The following FAM131B variants were observed in gnomAD, a reference collection of about 807,000 sequenced individuals.
FAM131B encodes protein FAM131B.
A neutral mutation model predicts 42.0 loss-of-function variants in FAM131B; 19 were observed. That is an observed-to-expected ratio of 0.45 (90% CI 0.32 to 0.66). FAM131B has a LOEUF of 0.66. Among genes scored for constraint, FAM131B ranks in the 30% least tolerant of loss-of-function variants. The pLI is 0.05. For missense variants in FAM131B, 370 were observed against 468.4 expected (o/e 0.79, Z 1.94); for synonymous variants, 183 against 177.6 (o/e 1.03, Z -0.24).
the FAM131B span, chr7:143,380,166 A>G: frequency 1.0e-6 from 1 of 985,284 alleles, no homozygotes; most frequent in South Asian, 4.7e-5. This position sits in a 1 kb window ranked among gnomAD's most constrained non-coding sequence, Gnocchi z 5.0. Context: ...TAGCGGGCGA[A>G]AGGCCATGAC....
At chr7:143,382,173 A>T in the FAM131B span, 1 of 1,258,428 alleles carries the variant, frequency 7.9e-7, no homozygotes, top group Non-Finnish European at 1.1e-6. Context: ...GTTAGGGGTT[A>T]GAGCGGTTAA....
chr7:143,381,397 G>A, the FAM131B span: 604 of 1,193,644 alleles, frequency 5.1e-4, no homozygotes, highest in Non-Finnish European at 6.1e-4. Flanking sequence ...CGGCGCGCAC[G>A]CTCCGGCCTG....
Position 143,356,505 on chromosome 7 carries a change from A to G in FAM131B, c.*45T>C. 2.1e-6 allele frequency: 3 copies of G among 1,437,548 alleles called. 1 individual carries two copies. Among genetic ancestry groups the G allele is most frequent in the South Asian group, 1.2e-5 (1 of 83,972 alleles). The allele number at this position is 1,437,548 out of a possible 1,614,324, so 89.0% of individuals were successfully genotyped here. A position where few individuals can be genotyped will look rare whatever the true frequency, so the allele number is the denominator to read the frequency against. On this transcript the variant is annotated 3_prime_UTR_variant, in exon 7 of 7. Transcript: ENST00000443739. The surrounding 1 kb of genome is among the most constrained non-coding windows in gnomAD (Gnocchi z 4.4). The stretch of plus-strand genomic sequence containing the variant: ...GGGAGGGAGGGTATGGGTCACAGCC[A>G]TGGCCCTCAGGTGGGAGTGGAAGGC...
At chr7:143,361,981 G>A in intron 1 of FAM131B, 3 of 912,520 alleles carry the variant, frequency 3.3e-6, no homozygotes, top group Non-Finnish European at 2.6e-6. Context: ...TGGAACCCGG[G>A]CTCATCCCGC....
chr7:143,368,558 C>T, the FAM131B span, among the ~76,000 whole-genome samples: 6 of 152,312 alleles, frequency 3.9e-5, no homozygotes, highest in South Asian at 2.1e-4. Context: ...TGCTGGGACC[C>T]TTTAGCCCTC....
At chr7:143,382,215 C>T in the FAM131B span, 8 of 1,588,092 alleles carry the variant, frequency 5.0e-6, no homozygotes, top group Admixed American at 1.7e-5. Flanking sequence ...GGTAGAGGGA[C>T]CCCGGCCGAC....
chr7:143,356,233 C>G lies in FAM131B; in HGVS notation c.*317G>C. Reference sequence around the variant, plus strand: ...CAGTCTTGAGCACAGCTGCGCTGCCCCCGTCCTCAGGGTGCACACACTGGA... The same window carrying G: ...CAGTCTTGAGCACAGCTGCGCTGCCGCCGTCCTCAGGGTGCACACACTGGA... On this transcript the variant is annotated 3_prime_UTR_variant, in exon 7 of 7. Transcript: ENST00000443739. This position sits in a 1 kb window ranked among gnomAD's most constrained non-coding sequence, Gnocchi z 4.4. 1.1e-5 allele frequency: 4 copies of G among 365,138 alleles called. No homozygotes were observed. The highest frequency in any genetic ancestry group is 2.0e-5 in the Non-Finnish European group (4 of 199,598). The allele number at this position is 365,138 out of a possible 1,614,324, so 22.6% of individuals were successfully genotyped here.
Position 143,360,330 on chromosome 7 carries a change from C to T in FAM131B, c.29-181G>A, listed in dbSNP as rs1586538610. 7 of 1,437,606 alleles carry T rather than the reference C, an allele frequency of 4.9e-6. No homozygotes were observed. In the East Asian group the frequency reaches 1.8e-4, roughly 36 times the overall value. 89.1% of individuals were successfully genotyped at this position (1,437,606 alleles called of 1,614,324 possible). On this transcript the variant is annotated intron_variant, in intron 1 of 6. Coordinates refer to ENST00000443739, the MANE Select transcript of FAM131B (RefSeq NM_001031690.3). ...GCTGAGCCCAAATATTCAGTTTTAG[C>T]TCAACCCAGAATAGTGCACTCAGAA...
At position 143,359,249 on chromosome 7, in the gene FAM131B, G is replaced by A. The variant is rs1803833946; in HGVS notation, c.268+77C>T. 1.3e-5 allele frequency: 16 copies of A among 1,241,746 alleles called. No homozygotes were observed. The highest frequency in any genetic ancestry group is 5.1e-5 in the South Asian group (4 of 78,996). 76.9% of individuals were successfully genotyped at this position (1,241,746 alleles called of 1,614,324 possible). On this transcript the variant is annotated intron_variant, in intron 4 of 6. Coordinates refer to ENST00000443739, the MANE Select transcript of FAM131B (RefSeq NM_001031690.3). The surrounding 1 kb of genome is among the most constrained non-coding windows in gnomAD (Gnocchi z 5.4). ...GGGGATGAGGGTCTTCATCAACCTC[G>A]AAGGAGCAGGGAGACTGAGCCAAGG...
Position 143,353,962 on chromosome 7 carries a change from T to C in FAM131B, c.*2588A>G, listed in dbSNP as rs1334458762. On this transcript the variant is annotated 3_prime_UTR_variant, in exon 7 of 7. Coordinates refer to ENST00000443739, the MANE Select transcript of FAM131B (RefSeq NM_001031690.3). ...GTTCCAGGACTGCTGTAAAACGTGC[T>C]GCACAGCCTTAACCCCAAAGGAAAA... 6.6e-6 allele frequency: 1 copy of C among 152,238 alleles called. No homozygotes were observed. Among genetic ancestry groups the C allele is most frequent in the Non-Finnish European group, 1.5e-5 (1 of 68,014 alleles). The allele number at this position is 152,238 out of a possible 1,614,324, so 9.4% of individuals were successfully genotyped here.
rs530599570 is a variant in FAM131B, at chr7:143,359,632, A to G, written c.174+100T>C. On this transcript the variant is annotated intron_variant, in intron 3 of 6. Coordinates refer to ENST00000443739, the MANE Select transcript of FAM131B (RefSeq NM_001031690.3). The surrounding 1 kb of genome is among the most constrained non-coding windows in gnomAD (Gnocchi z 5.4). ...GAGAACGTGAGTGCTCACAGTGCCT[A>G]TTGGAGCCAGGGAATACCGTGCTGG... 20 of 1,211,852 alleles carry G rather than the reference A, an allele frequency of 1.7e-5. No homozygotes were observed. In the African/African-American group the frequency reaches 1.7e-4, roughly 10 times the overall value. The allele number at this position is 1,211,852 out of a possible 1,614,324, so 75.1% of individuals were successfully genotyped here.
the FAM131B span, chr7:143,381,701 A>G: frequency 6.2e-7 from 1 of 1,605,568 alleles, no homozygotes; most frequent in East Asian, 2.3e-5. Context: ...GCCCGGGGAC[A>G]GCGAGCCTCC....
chr7:143,359,115 G>T lies in FAM131B; in HGVS notation c.269-91C>A. 1 of 1,353,354 alleles carries T rather than the reference G, an allele frequency of 7.4e-7. No individual in the cohort carries two copies. The highest frequency in any genetic ancestry group is 1.0e-6 in the Non-Finnish European group (1 of 978,134). The allele number at this position is 1,353,354 out of a possible 1,614,324, so 83.8% of individuals were successfully genotyped here. On this transcript the variant is annotated intron_variant, in intron 4 of 6. Coordinates refer to ENST00000443739, the MANE Select transcript of FAM131B (RefSeq NM_001031690.3). The surrounding 1 kb of genome is among the most constrained non-coding windows in gnomAD (Gnocchi z 5.4). Reference sequence around the variant, plus strand: ...AGTTCCTCCCACCCCAGCCCCATGAGGCTCCATCCCACTGGGCCAGGCTCC... The same window carrying T: ...AGTTCCTCCCACCCCAGCCCCATGATGCTCCATCCCACTGGGCCAGGCTCC...
At position 143,359,985 on chromosome 7, in the gene FAM131B, G is replaced by A. The variant is rs937399376; in HGVS notation, c.138+55C>T. The A allele has an allele frequency of 1.4e-5, 19 of 1,336,730 alleles. No individual in the cohort carries two copies. The highest frequency in any genetic ancestry group is 3.6e-4 in the Middle Eastern group (2 of 5,566). The allele number at this position is 1,336,730 out of a possible 1,614,324, so 82.8% of individuals were successfully genotyped here. On this transcript the variant is annotated intron_variant, in intron 2 of 6. Transcript: ENST00000443739. This position sits in a 1 kb window ranked among gnomAD's most constrained non-coding sequence, Gnocchi z 5.4. ...GAAGGAGTGTTTGGGTTGTTGCCTT[G>A]GAATTGAGGAAGTGCAGGCAGCCAG... is the stretch of plus-strand genomic sequence containing the variant.
chr7:143,378,801 T>C, the FAM131B span, among the ~76,000 whole-genome samples: 1 of 152,214 alleles, frequency 6.6e-6, no homozygotes, highest in Non-Finnish European at 1.5e-5. Flanking sequence ...TGTCTCAAAC[T>C]TCCGACCTCA....
chr7:143,362,718 G>T (rs1000690998), upstream of FAM131B: 3 of 410,500 alleles, frequency 7.3e-6, no homozygotes, highest in South Asian at 1.1e-4. This position sits in a 1 kb window ranked among gnomAD's most constrained non-coding sequence, Gnocchi z 7.7. Flanking sequence ...GTCTCCGCTC[G>T]GCTCCGCTCC....
chr7:143,380,782 T>C, the FAM131B span: 1 of 984,868 alleles, frequency 1.0e-6, no homozygotes, highest in Non-Finnish European at 1.2e-6. This position sits in a 1 kb window ranked among gnomAD's most constrained non-coding sequence, Gnocchi z 5.0. Flanking sequence ...TCACCCCCCA[T>C]CCCCGTGCAC....
In FAM131B at chr7:143,360,057, G is replaced by C. The variant is rs751568716; in HGVS notation, c.121C>G (p.His41Asp). The change falls in exon 2 of 7, where the codon CAT becomes GAT. Residue 41 changes from histidine to aspartate, a missense_variant. By Grantham distance (81) the His-to-Asp change is moderately conservative. Coordinates refer to ENST00000443739, the MANE Select transcript of FAM131B (RefSeq NM_001031690.3). ...GGTCTCACCTCAGTCGATGGCCGAT[G>C]GAGGCTGCTCCCGTGCAGTGAGCTG... ...STSSLHGSSL[H>D]RPSTEQTRTD... 1 of 1,613,388 alleles carries C rather than the reference G, an allele frequency of 6.2e-7. No individual in the cohort carries two copies. The highest frequency in any genetic ancestry group is 1.1e-5 in the South Asian group (1 of 91,016).
the FAM131B span, chr7:143,381,152 C>T: frequency 1.0e-6 from 1 of 978,092 alleles, no homozygotes; most frequent in South Asian, 4.7e-5. Flanking sequence ...GAGCCTCCGG[C>T]CTGAGGCAGG....
Sources: allele counts gnomAD v4.1 joint callset (sites outside exome capture counted in the v4.1 genomes callset), GRCh38; gene constraint gnomAD v4.1.1; non-coding constraint Gnocchi (gnomAD v3.1); transcripts MANE v1.5; gene names NCBI Gene and HGNC (gene_info 2026-07-23, HGNC 2026-07-21).